The following PITPNC1 variants were observed in gnomAD, a reference collection of about 807,000 sequenced individuals.
The protein encoded by PITPNC1 is phosphatidylinositol transfer protein cytoplasmic 1.
PITPNC1 carries 18 observed loss-of-function variants against 44.7 expected under a neutral mutation model. The ratio of observed to expected loss-of-function variants is 0.40; its 90% CI spans 0.28 to 0.60. The LOEUF (loss-of-function observed/expected upper bound fraction) is 0.60. Ranked by LOEUF, PITPNC1 falls within the 20% of genes least tolerant of loss-of-function variation. The probability of loss-of-function intolerance (pLI) is 0.39; values close to 1 mark genes in which losing one functional copy is unlikely to be tolerated. For missense variants in PITPNC1, 290 were observed against 418.4 expected, an observed-to-expected ratio of 0.69 and a Z score of 2.68; for synonymous variants, 141 against 149.6, an observed-to-expected ratio of 0.94 and a Z score of 0.42.
intron 1 of PITPNC1, among the ~76,000 whole-genome samples, chr17:67,397,369 A>T (rs2038235952): frequency 6.6e-6 from 1 of 152,056 alleles, no homozygotes; most frequent in South Asian, 2.1e-4. Context: ...AAGCTTCATC[A>T]CGGATTCATC....
chr17:67,483,193 T>G (rs1443379928), intron 1 of PITPNC1, among the ~76,000 whole-genome samples: 1 of 152,190 alleles, frequency 6.6e-6, no homozygotes, highest in East Asian at 1.9e-4. Context: ...ATGAGGGACA[T>G]TTCTTGATTC....
chr17:67,622,110 A>G (rs1014460300), intron 5 of PITPNC1, among the ~76,000 whole-genome samples: 3 of 152,114 alleles, frequency 2.0e-5, no homozygotes, highest in Admixed American at 6.6e-5. Context: ...ACAAAAAATT[A>G]GCTGGGCGCG....
intron 1 of PITPNC1, among the ~76,000 whole-genome samples, chr17:67,501,433 A>T (rs779317063): frequency 6.6e-6 from 1 of 152,058 alleles, no homozygotes; most frequent in Non-Finnish European, 1.5e-5. Context: ...TTGTCTCAAC[A>T]TTTTATTAAA....
At chr17:67,537,433 T>A (rs927485987) in intron 2 of PITPNC1, among the ~76,000 whole-genome samples, 5 of 152,176 alleles carry the variant, frequency 3.3e-5, no homozygotes, top group Non-Finnish European at 7.3e-5. Flanking sequence ...AAATATAATT[T>A]AAAAAATTTT....
intron 5 of PITPNC1, among the ~76,000 whole-genome samples, chr17:67,604,686 G>A (rs567901201): frequency 1.4e-4 from 21 of 152,150 alleles, no homozygotes; most frequent in Non-Finnish European, 1.8e-4. Flanking sequence ...GGGAAGCTGA[G>A]GCACAAGAAT....
chr17:67,628,834 G>A (rs1214768547), intron 5 of PITPNC1, among the ~76,000 whole-genome samples: 1 of 152,146 alleles, frequency 6.6e-6, no homozygotes, highest in African/African-American at 2.4e-5. Flanking sequence ...TTGCAGCTGG[G>A]GCAGAGCATG....
In PITPNC1 at chr17:67,469,970, T is replaced by C. The variant is rs189177997; in HGVS notation, c.49-62832T>C. On this transcript the variant is annotated intron_variant, in intron 1 of 8. Coordinates refer to ENST00000581322, the MANE Select transcript of PITPNC1 (RefSeq NM_012417.4). ...CAGAATCTTGTTTTGTCATCCAGGC[T>C]GGAGTGCAGTTGTGCAATCTCAGCT... Among the ~76,000 whole-genome samples, 10 of 152,296 alleles carry C rather than the reference T, an allele frequency of 6.6e-5. No individual in the cohort carries two copies. In the East Asian group the frequency reaches 1.9e-3, roughly 29 times the overall value.
At chr17:67,618,940 T>A (rs934242736) in intron 5 of PITPNC1, among the ~76,000 whole-genome samples, 2 of 151,058 alleles carry the variant, frequency 1.3e-5, no homozygotes, top group Non-Finnish European at 2.9e-5. Context: ...GTGCTTGTAG[T>A]CCCAGCTACT....
chr17:67,632,352 T>C (rs1261547914), intron 6 of PITPNC1, 114 bp downstream of exon 6: 1 of 682,672 alleles, frequency 1.5e-6, no homozygotes, highest in Non-Finnish European at 2.6e-6. Context: ...GTGGATTCAA[T>C]TTGCTTTCGT....
At chr17:67,502,101 T>C (rs1404089699) in intron 1 of PITPNC1, among the ~76,000 whole-genome samples, 1 of 152,224 alleles carries the variant, frequency 6.6e-6, no homozygotes, top group Non-Finnish European at 1.5e-5. Context: ...GCACATTAGA[T>C]GTGTCTTCGT....
chr17:67,536,608 C>T (rs940112364), intron 2 of PITPNC1, among the ~76,000 whole-genome samples: 1 of 152,138 alleles, frequency 6.6e-6, no homozygotes, highest in Non-Finnish European at 1.5e-5. Context: ...AATCCATAAC[C>T]TCCAAGAGAA....
intron 6 of PITPNC1, among the ~76,000 whole-genome samples, chr17:67,652,306 A>G (rs1598935252): frequency 3.3e-5 from 5 of 152,094 alleles, no homozygotes; most frequent in Admixed American, 3.3e-4. Context: ...CAGGTGGGAG[A>G]CTGATTCTAT....
intron 4 of PITPNC1, among the ~76,000 whole-genome samples, chr17:67,561,094 G>T (rs2040900724): frequency 6.6e-6 from 1 of 152,194 alleles, no homozygotes; most frequent in Non-Finnish European, 1.5e-5. Flanking sequence ...TTTGTGAGCA[G>T]ATTTCTTTCT....
At chr17:67,590,680 C>T (rs569238207) in intron 5 of PITPNC1, among the ~76,000 whole-genome samples, 3 of 152,256 alleles carry the variant, frequency 2.0e-5, no homozygotes, top group East Asian at 3.9e-4. Context: ...TTACAATAGA[C>T]AGCCAGGCAC....
intron 5 of PITPNC1, among the ~76,000 whole-genome samples, chr17:67,620,727 G>T (rs1399836852): frequency 1.3e-5 from 2 of 152,170 alleles, no homozygotes; most frequent in African/African-American, 4.8e-5. Context: ...CAGCTAAGAC[G>T]ATCCGGCCTA....
At chr17:67,551,739 C>T (rs539510664) in intron 2 of PITPNC1, among the ~76,000 whole-genome samples, 38 of 152,320 alleles carry the variant, frequency 2.5e-4, no homozygotes, top group African/African-American at 8.4e-4. Flanking sequence ...GGGGCAGACA[C>T]AATTCAACCC....
At chr17:67,509,290 T>C (rs2144085172) in intron 1 of PITPNC1, among the ~76,000 whole-genome samples, 1 of 151,466 alleles carries the variant, frequency 6.6e-6, no homozygotes, top group East Asian at 2.0e-4. Context: ...TGTGAGTACT[T>C]TGGAAGGCCA....
At chr17:67,476,762 G>A (rs962359145) in intron 1 of PITPNC1, among the ~76,000 whole-genome samples, 13 of 152,120 alleles carry the variant, frequency 8.5e-5, no homozygotes, top group African/African-American at 3.1e-4. Context: ...TGGCATTACA[G>A]GTGTGAGCCA....
intron 1 of PITPNC1, among the ~76,000 whole-genome samples, chr17:67,524,274 C>G (rs1004479901): frequency 6.6e-6 from 1 of 152,040 alleles, no homozygotes; most frequent in Non-Finnish European, 1.5e-5. Context: ...AAGATACCAT[C>G]TCTACAGAAA....
Sources: gnomAD v4.1 joint callset for allele counts (sites outside exome capture counted in the v4.1 genomes callset) on GRCh38, gnomAD v4.1.1 for gene constraint, MANE v1.5 for transcripts, NCBI Gene and HGNC (gene_info 2026-07-23, HGNC 2026-07-21) for gene names.